The following IMMP2L variants were observed in gnomAD, a reference collection of about 807,000 sequenced individuals.
The protein encoded by IMMP2L is inner mitochondrial membrane peptidase subunit 2.
A neutral mutation model predicts 19.3 loss-of-function variants in IMMP2L; 18 were observed. The observed-to-expected ratio is 0.93, with a 90% confidence interval of 0.64 to 1.38. IMMP2L has a LOEUF of 1.38. Ranked by LOEUF, IMMP2L falls within the 40% of genes most tolerant of loss-of-function variation. The pLI, the probability that IMMP2L is intolerant of heterozygous loss-of-function variation, is 0.00. For missense variants in IMMP2L, 233 were observed against 218.2 expected (o/e 1.07, Z -0.43); for synonymous variants, 76 against 73.0 (o/e 1.04, Z -0.21).
chr7:111,240,266 TC>T lies in IMMP2L; in HGVS notation c.239+246971del, dbSNP rs369621962. 1.3e-3 allele frequency among the ~76,000 whole-genome samples: 205 copies of T among 152,128 alleles called. 3 individuals carry two copies. The highest frequency in any genetic ancestry group is 4.8e-3 in the African/African-American group (198 of 41,562). Reference sequence around the variant, plus strand: ...CTGCACTTAAACTGACAGAAACTCATCATTCCTTTAAAAACTGTTCTTCTAA... The same window carrying T: ...CTGCACTTAAACTGACAGAAACTCATATTCCTTTAAAAACTGTTCTTCTAA... On this transcript the variant is annotated intron_variant, in intron 3 of 5. Transcript: ENST00000405709.
intron 3 of IMMP2L, among the ~76,000 whole-genome samples, chr7:111,002,940 C>G (rs552044713): frequency 2.6e-5 from 4 of 152,266 alleles, no homozygotes; most frequent in African/African-American, 9.6e-5. Flanking sequence ...AATTCTCAAA[C>G]TGTACATCCT....
In IMMP2L at chr7:110,760,088, T is replaced by A. The variant is rs1375603121; in HGVS notation, c.409-96367A>T. Among the ~76,000 whole-genome samples, 2 of 152,118 alleles carry A rather than the reference T, an allele frequency of 1.3e-5. No individual in the cohort carries two copies. Among genetic ancestry groups the A allele is most frequent in the Non-Finnish European group, 2.9e-5 (2 of 68,016 alleles). The stretch of plus-strand genomic sequence containing the variant: ...AAGTGGAGACATCTGTGCTTTGTCA[T>A]CACAAAAGAAAACCGTTTTATTTTT... On this transcript the variant is annotated intron_variant, in intron 5 of 5. Coordinates refer to ENST00000405709, the MANE Select transcript of IMMP2L (RefSeq NM_032549.4). This position sits in a 1 kb window ranked among gnomAD's most constrained non-coding sequence, Gnocchi z 4.2.
At chr7:110,729,586 A>T (rs780973730) in intron 5 of IMMP2L, among the ~76,000 whole-genome samples, 1 of 152,184 alleles carries the variant, frequency 6.6e-6, no homozygotes, top group Non-Finnish European at 1.5e-5. Flanking sequence ...AATTTATGAT[A>T]ATCAAAGTTA....
chr7:111,434,572 C>T (rs1180952309), intron 3 of IMMP2L, among the ~76,000 whole-genome samples: 1 of 151,340 alleles, frequency 6.6e-6, no homozygotes, highest in East Asian at 1.9e-4. Flanking sequence ...TTGAGACAGA[C>T]TCTCACTCTG....
intron 3 of IMMP2L, among the ~76,000 whole-genome samples, chr7:111,164,705 T>C (rs1805636400): frequency 6.6e-6 from 1 of 152,020 alleles, no homozygotes; most frequent in African/African-American, 2.4e-5. Flanking sequence ...GCATAATTAA[T>C]TATAGGAATC....
At chr7:111,264,913 TC>T (rs1451345731) in intron 3 of IMMP2L, among the ~76,000 whole-genome samples, 1 of 151,994 alleles carries the variant, frequency 6.6e-6, no homozygotes, top group African/African-American at 2.4e-5. Context: ...TATACTGAAT[TC>T]CCCCTATTAA....
In IMMP2L at chr7:111,502,380, A is replaced by T. The variant is rs550183782; in HGVS notation, c.136-15039T>A. Among the ~76,000 whole-genome samples, 367 of 152,288 alleles carry T rather than the reference A, an allele frequency of 2.4e-3. 3 individuals are homozygous for T. The highest frequency in any genetic ancestry group is 8.4e-3 in the African/African-American group (349 of 41,566). ...CCACACAATAATAATGGGAGACTTTAACACCCCGCTGTCAACATTAGACAG... is the reference window on the plus strand; with the variant it reads ...CCACACAATAATAATGGGAGACTTTTACACCCCGCTGTCAACATTAGACAG... On this transcript the variant is annotated intron_variant, in intron 2 of 5. Transcript: ENST00000405709.
At chr7:110,807,735 T>G (rs972537316) in intron 5 of IMMP2L, among the ~76,000 whole-genome samples, 1 of 152,110 alleles carries the variant, frequency 6.6e-6, no homozygotes, top group Non-Finnish European at 1.5e-5. Context: ...ATTAGTGTTA[T>G]AGTTATTTAA....
intron 5 of IMMP2L, among the ~76,000 whole-genome samples, chr7:110,763,424 C>T (rs7802472): frequency 0.95 from 144,591 of 152,142 alleles, 68,724 homozygotes; most frequent in East Asian, 0.98. Context: ...CTACGGTGGG[C>T]AGTGTACTAG....
At position 111,551,893 on chromosome 7, in the gene IMMP2L, T is replaced by C. The variant is rs76358673; in HGVS notation, c.-3+9958A>G. ...ACCTTAAGAATTTTCCAGTAAAAAATATGGTAAGACTATAATCCAGGCAAG... is the reference window on the plus strand; with the variant it reads ...ACCTTAAGAATTTTCCAGTAAAAAACATGGTAAGACTATAATCCAGGCAAG... On this transcript the variant is annotated intron_variant, in intron 1 of 5. Coordinates refer to ENST00000405709, the MANE Select transcript of IMMP2L (RefSeq NM_032549.4). Among the ~76,000 whole-genome samples, 863 of 152,002 alleles carry C rather than the reference T, an allele frequency of 5.7e-3. 9 individuals carry two copies. Among genetic ancestry groups the C allele is most frequent in the Middle Eastern group, 0.054 (16 of 294 alleles).
At chr7:110,675,778 T>C (rs1041823692) in intron 5 of IMMP2L, among the ~76,000 whole-genome samples, 3 of 152,160 alleles carry the variant, frequency 2.0e-5, no homozygotes, top group Non-Finnish European at 2.9e-5. Flanking sequence ...TCCCTAAGCA[T>C]AGTGTGACCA....
rs187402261 is a variant in IMMP2L, at chr7:111,308,051, T to G, written c.239+179187A>C. On this transcript the variant is annotated intron_variant, in intron 3 of 5. Transcript: ENST00000405709. The stretch of plus-strand genomic sequence containing the variant: ...TATAGTGATATAGTTCAACTCAGTC[T>G]CTTAACTTACAACTATGCTTGTGCG... 1.8e-4 allele frequency among the ~76,000 whole-genome samples: 27 copies of G among 152,094 alleles called. No individual in the cohort carries two copies. The East Asian group carries it at 5.0e-3, about 28-fold the overall frequency.
intron 3 of IMMP2L, among the ~76,000 whole-genome samples, chr7:111,317,436 T>C (rs1244484852): frequency 1.3e-5 from 2 of 152,118 alleles, no homozygotes; most frequent in African/African-American, 4.8e-5. Flanking sequence ...CAACATTATA[T>C]GGGCAAAGAA....
intron 4 of IMMP2L, among the ~76,000 whole-genome samples, chr7:110,920,421 T>C (rs575363380): frequency 1.3e-5 from 2 of 152,256 alleles, no homozygotes; most frequent in Non-Finnish European, 2.9e-5. Flanking sequence ...TCTGGGGAAT[T>C]AGGGAACATT....
At chr7:111,441,679 G>A (rs1422298946) in intron 3 of IMMP2L, among the ~76,000 whole-genome samples, 1 of 149,518 alleles carries the variant, frequency 6.7e-6, no homozygotes, top group Non-Finnish European at 1.5e-5. Context: ...TGGTCCCAAC[G>A]GACTTCCTTG....
chr7:111,067,247 T>A (rs997708590), intron 3 of IMMP2L, among the ~76,000 whole-genome samples: 1 of 152,208 alleles, frequency 6.6e-6, no homozygotes, highest in Non-Finnish European at 1.5e-5. Flanking sequence ...TCTACTCAGA[T>A]GAAATCAGTA....
intron 1 of IMMP2L, among the ~76,000 whole-genome samples, chr7:111,542,172 T>G (rs1325716331): frequency 6.6e-6 from 1 of 152,030 alleles, no homozygotes; most frequent in African/African-American, 2.4e-5. Flanking sequence ...TGATTAGCCA[T>G]TCACAAAAAT....
At chr7:111,368,345 C>T (rs965413271) in intron 3 of IMMP2L, among the ~76,000 whole-genome samples, 1 of 151,894 alleles carries the variant, frequency 6.6e-6, no homozygotes, top group South Asian at 2.1e-4. Flanking sequence ...CTTTTAAAGG[C>T]TACTTCCAGA....
chr7:110,890,204 C>T (rs191034766), intron 4 of IMMP2L, among the ~76,000 whole-genome samples: 1 of 152,190 alleles, frequency 6.6e-6, no homozygotes, highest in East Asian at 1.9e-4. Context: ...TTCTGGGACA[C>T]TCTAAAACTT....
Sources: gnomAD v4.1 joint callset for allele counts (sites outside exome capture counted in the v4.1 genomes callset) on GRCh38, gnomAD v4.1.1 for gene constraint, Gnocchi (gnomAD v3.1) non-coding constraint, MANE v1.5 for transcripts, NCBI Gene and HGNC (gene_info 2026-07-23, HGNC 2026-07-21) for gene names.